DIXDC1: variants seen among roughly 807,000 people sequenced by gnomAD.
DIXDC1 encodes the protein DIX domain containing 1.
In DIXDC1, 64 loss-of-function variants were observed where a neutral mutation model predicts 103.1. That is an observed-to-expected ratio of 0.62 (90% CI 0.51 to 0.76). DIXDC1 has a LOEUF of 0.76. Ranked by LOEUF, DIXDC1 falls within the 30% of genes least tolerant of loss-of-function variation. DIXDC1 has a pLI of 0.00. For missense variants in DIXDC1, 759 were observed against 834.2 expected (o/e 0.91, Z 1.11); for synonymous variants, 266 against 298.5 (o/e 0.89, Z 1.12).
At chr11:111,989,429 C>G (rs1189090702) in intron 10 of DIXDC1, among the ~76,000 whole-genome samples, 1 of 151,962 alleles carries the variant, frequency 6.6e-6, no homozygotes, top group Admixed American at 6.5e-5. Flanking sequence ...TCGAGACCAG[C>G]CTGGCCAACA....
chr11:112,005,842 G>T (rs898006493), intron 17 of DIXDC1, among the ~76,000 whole-genome samples: 1 of 152,080 alleles, frequency 6.6e-6, no homozygotes, highest in Non-Finnish European at 1.5e-5. Context: ...ACATCAATAA[G>T]AATATAGAAA....
At position 112,020,639 on chromosome 11, in the gene DIXDC1, G is replaced by C. The variant is rs1555178326; in HGVS notation, c.*1603G>C. On this transcript the variant is annotated 3_prime_UTR_variant, in exon 20 of 20. Transcript: ENST00000440460. ...CTTCTTACCACCCCTTGTGGTTTCA[G>C]AACAAGCTTTATTTTATTACGAGTA... 6.6e-6 allele frequency: 1 copy of C among 152,110 alleles called. No homozygotes were observed. Among genetic ancestry groups the C allele is most frequent in the Non-Finnish European group, 1.5e-5 (1 of 68,024 alleles). 9.4% of individuals were successfully genotyped at this position (152,110 alleles called of 1,614,324 possible).
chr11:112,008,825 T>A (rs57473722), intron 17 of DIXDC1, among the ~76,000 whole-genome samples: 12,584 of 152,138 alleles, frequency 0.083, 1,544 homozygotes, highest in African/African-American at 0.26. Flanking sequence ...AGGGAAATTT[T>A]TAGCACTAAA....
At chr11:111,974,779 GTA>G in intron 4 of DIXDC1, 95 bp from the exon 5 acceptor site, 1 of 1,539,652 alleles carries the variant, frequency 6.5e-7, no homozygotes, top group Non-Finnish European at 8.8e-7. Flanking sequence ...ACTCATGTGT[GTA>G]TACTGCTCGC....
rs1292123571 is a variant in DIXDC1, at chr11:111,992,961, A to G, written c.1229A>G (p.Gln410Arg). The change falls in exon 12 of 20, where the codon CAG (glutamine) becomes CGG (arginine). Residue 410 changes from glutamine to arginine, a missense_variant. Around this residue, in one of 3 missense-constraint regions of DIXDC1, gnomAD observed 657 missense variants for 727.5 expected, o/e 0.90. Coordinates refer to ENST00000440460, the MANE Select transcript of DIXDC1 (RefSeq NM_001037954.4). ...DELHNQNVDL[Q>R]RKLDERNRLL... Reference sequence around the variant, plus strand: ...TTCTTATTCTTGCAGGTGGATCTGCAGAGGAAGCTAGATGAGAGGAACCGG... The same window carrying G: ...TTCTTATTCTTGCAGGTGGATCTGCGGAGGAAGCTAGATGAGAGGAACCGG... The G allele has an allele frequency of 1.2e-6, 2 of 1,608,150 alleles. No individual in the cohort carries two copies. The highest frequency in any genetic ancestry group is 1.7e-6 in the Non-Finnish European group (2 of 1,177,520).
chr11:111,969,721 C>T lies in DIXDC1; in HGVS notation c.316+1083C>T, dbSNP rs189943032. 4.6e-5 allele frequency among the ~76,000 whole-genome samples: 7 copies of T among 152,224 alleles called. No homozygotes were observed. The East Asian group carries it at 7.7e-4, about 17-fold the overall frequency. Reference sequence around the variant, plus strand: ...GGGTCTCATGACAATAGGGGCAGAACGGCTCATGTTGGATTATTATATTAG... The same window carrying T: ...GGGTCTCATGACAATAGGGGCAGAATGGCTCATGTTGGATTATTATATTAG... On this transcript the variant is annotated intron_variant, in intron 3 of 19. Transcript: ENST00000440460.
At chr11:112,016,433 G>T (rs782415569) in intron 17 of DIXDC1, among the ~76,000 whole-genome samples, 3 of 152,146 alleles carry the variant, frequency 2.0e-5, no homozygotes, top group Non-Finnish European at 4.4e-5. Flanking sequence ...CTTTAACAAT[G>T]ATACCTGTCA....
rs1330825508 is a variant in DIXDC1 at position 111,977,040 on chromosome 11, C to T, written c.656+2057C>T. ...TTTTGGTGCGGGGCTCCCCAGCACTCAGACCACTAGAGCCCTCCTCGTGAT... is the reference window on the plus strand; with the variant it reads ...TTTTGGTGCGGGGCTCCCCAGCACTTAGACCACTAGAGCCCTCCTCGTGAT... On this transcript the variant is annotated intron_variant, in intron 5 of 19. Coordinates refer to ENST00000440460, the MANE Select transcript of DIXDC1 (RefSeq NM_001037954.4). This position sits in a 1 kb window ranked among gnomAD's most constrained non-coding sequence, Gnocchi z 6.1. The T allele has an allele frequency of 6.3e-6, 1 of 158,666 alleles. No homozygotes were observed. The highest frequency in any genetic ancestry group is 2.4e-5 in the African/African-American group (1 of 41,562). 9.8% of individuals were successfully genotyped at this position (158,666 alleles called of 1,614,324 possible).
chr11:111,930,314 C>T (rs1393615054), intron 2 of DIXDC1, among the ~76,000 whole-genome samples: 3 of 152,108 alleles, frequency 2.0e-5, no homozygotes, highest in African/African-American at 7.2e-5. Context: ...TTCTTGCAGT[C>T]ACTATATATA....
chr11:111,932,755 C>T (rs1464515702), upstream of DIXDC1, among the ~76,000 whole-genome samples: 2 of 152,180 alleles, frequency 1.3e-5, no homozygotes, highest in Non-Finnish European at 2.9e-5. Context: ...TCACATTCAT[C>T]ATGTATACTC....
chr11:111,944,854 G>C (rs1364503317), intron 1 of DIXDC1, among the ~76,000 whole-genome samples: 5 of 152,184 alleles, frequency 3.3e-5, no homozygotes, highest in Admixed American at 3.3e-4. Flanking sequence ...ACCTTCAGTT[G>C]TTCTAGACAT....
intron 17 of DIXDC1, among the ~76,000 whole-genome samples, chr11:112,014,585 C>T (rs1861529645): frequency 6.6e-6 from 1 of 152,184 alleles, no homozygotes; most frequent in Non-Finnish European, 1.5e-5. Context: ...CATCTTCAGT[C>T]TTCCAATACA....
chr11:111,996,020 A>T (rs1405122074), intron 16 of DIXDC1, 60 bp from the exon 17 acceptor site: 2 of 1,512,030 alleles, frequency 1.3e-6, no homozygotes, highest in African/African-American at 2.7e-5. Flanking sequence ...TATGATTTAA[A>T]TTTCTTGGTT....
chr11:111,993,585 C>T lies in DIXDC1; in HGVS notation c.1362C>T (p.His454=), dbSNP rs1555174833. 4 of 1,614,036 alleles carry T rather than the reference C, an allele frequency of 2.5e-6. No individual in the cohort carries two copies. The South Asian group carries it at 3.3e-5, about 13-fold the overall frequency. The change falls in exon 13 of 20, where the codon CAC becomes CAT. Residue 454 remains histidine, a synonymous_variant. Coordinates refer to ENST00000440460, the MANE Select transcript of DIXDC1 (RefSeq NM_001037954.4). ...ALRKLSDVSY[H]QVDLERELEH... is the part of the protein sequence containing the mutation. Reference sequence around the variant, plus strand: ...GGAAACTCTCTGATGTCAGTTACCACCAGGTCAGAACATATTCAGCCACTG... The same window carrying T: ...GGAAACTCTCTGATGTCAGTTACCATCAGGTCAGAACATATTCAGCCACTG...
At position 111,976,226 on chromosome 11, in the gene DIXDC1, C is replaced by T. The variant is rs782339733; in HGVS notation, c.656+1243C>T. Among the ~76,000 whole-genome samples, 9 of 152,184 alleles carry T rather than the reference C, an allele frequency of 5.9e-5. No homozygotes were observed. Among genetic ancestry groups the T allele is most frequent in the Non-Finnish European group, 1.0e-4 (7 of 68,030 alleles). On this transcript the variant is annotated intron_variant, in intron 5 of 19. Coordinates refer to ENST00000440460, the MANE Select transcript of DIXDC1 (RefSeq NM_001037954.4). This position sits in a 1 kb window ranked among gnomAD's most constrained non-coding sequence, Gnocchi z 4.3. Reference sequence around the variant, plus strand: ...CCTGCACTTCTGCAGGCCTTTCACTCTTCTGAGCCTGATAGTGCCTGCTAG... The same window carrying T: ...CCTGCACTTCTGCAGGCCTTTCACTTTTCTGAGCCTGATAGTGCCTGCTAG...
At chr11:111,989,390 C>T (rs587772468) in intron 10 of DIXDC1, among the ~76,000 whole-genome samples, 14 of 152,024 alleles carry the variant, frequency 9.2e-5, no homozygotes, top group South Asian at 6.2e-4. Context: ...TTTGGGAGGC[C>T]GAGGCAGGCG....
Position 111,987,047 on chromosome 11 carries a change from G to A in DIXDC1, c.1062+123G>A, listed in dbSNP as rs1461670200. 2.1e-5 allele frequency: 13 copies of A among 632,810 alleles called. No homozygotes were observed. The East Asian group carries it at 3.4e-4, about 17-fold the overall frequency. 39.2% of individuals were successfully genotyped at this position (632,810 alleles called of 1,614,324 possible). A position where few individuals can be genotyped will look rare whatever the true frequency, so the allele number is the denominator to read the frequency against. ...GGGCAGATCACAAGGTCAGGAGATC[G>A]AGACCATCCTGGCTAACATGGTGAA... On this transcript the variant is annotated intron_variant, in intron 9 of 19. Coordinates refer to ENST00000440460, the MANE Select transcript of DIXDC1 (RefSeq NM_001037954.4).
chr11:111,990,408 C>T (rs1860666983), intron 10 of DIXDC1, among the ~76,000 whole-genome samples: 1 of 152,022 alleles, frequency 6.6e-6, no homozygotes, highest in African/African-American at 2.4e-5. Flanking sequence ...GGCATCTTAA[C>T]AGTTATCAGC....
At chr11:111,955,354 AAAAAGG>A (rs1206578817) in intron 1 of DIXDC1, among the ~76,000 whole-genome samples, 47 of 151,458 alleles carry the variant, frequency 3.1e-4, no homozygotes, top group African/African-American at 1.1e-3. Context: ...AAAAAAAAAA[AAAAAGG>A]AAGGAAAGGA....
Sources: gnomAD v4.1 joint callset for allele counts (sites outside exome capture counted in the v4.1 genomes callset) on GRCh38, gnomAD v4.1.1 for gene constraint, gnomAD v4.1.1 regional missense constraint, Gnocchi (gnomAD v3.1) non-coding constraint, MANE v1.5 for transcripts, NCBI Gene and HGNC (gene_info 2026-07-23, HGNC 2026-07-21) for gene names.